RNLS: variants seen among roughly 807,000 people sequenced by gnomAD.
The protein encoded by RNLS is renalase.
Under a neutral mutation model 39.8 loss-of-function variants are expected in RNLS, and 39 were observed. The ratio of observed to expected loss-of-function variants is 0.98; its 90% confidence interval spans 0.76 to 1.28. RNLS has a LOEUF of 1.28. Ranked by LOEUF, RNLS falls within the 50% of genes most tolerant of loss-of-function variation. The probability of loss-of-function intolerance (pLI) is 0.00; values close to 1 mark genes in which losing one functional copy is unlikely to be tolerated. For synonymous variants in RNLS, 147 were observed against 150.7 expected (o/e 0.98, Z 0.18); for missense variants, 410 against 413.3 (o/e 0.99, Z 0.07).
At chr10:88,223,868 G>A in the RNLS span, among the ~76,000 whole-genome samples, 1 of 152,032 alleles carries the variant, frequency 6.6e-6, no homozygotes, top group Non-Finnish European at 1.5e-5. Flanking sequence ...GATTAACATC[G>A]TCTGGCCCCA....
At chr10:88,269,699 G>A (rs898333271), downstream of RNLS, among the ~76,000 whole-genome samples, 1 of 152,196 alleles carries the variant, frequency 6.6e-6, no homozygotes, top group Admixed American at 6.5e-5. Context: ...GGCTTACACT[G>A]CTTTGAGGGG....
chr10:88,505,790 G>T (rs368124427), intron 4 of RNLS, among the ~76,000 whole-genome samples: 2 of 152,066 alleles, frequency 1.3e-5, no homozygotes, highest in African/African-American at 4.8e-5. Flanking sequence ...TCACCCAAAT[G>T]ATCAAACTTG....
At chr10:88,358,942 A>C (rs1849409855) in intron 5 of RNLS, among the ~76,000 whole-genome samples, 1 of 152,202 alleles carries the variant, frequency 6.6e-6, no homozygotes, top group Admixed American at 6.5e-5. Flanking sequence ...TTGTGTATGT[A>C]CATTGTAGTA....
At chr10:88,523,441 A>G (rs942870058) in intron 4 of RNLS, among the ~76,000 whole-genome samples, 1 of 152,170 alleles carries the variant, frequency 6.6e-6, no homozygotes, top group African/African-American at 2.4e-5. Context: ...ATGTCAGTTT[A>G]AGCCTATAAA....
chr10:88,578,664 A>G (rs1850350281), intron 3 of RNLS, among the ~76,000 whole-genome samples: 1 of 152,032 alleles, frequency 6.6e-6, no homozygotes, highest in African/African-American at 2.4e-5. Context: ...CATTTATATC[A>G]CTCTACCTAC....
At position 88,320,888 on chromosome 10, in the gene RNLS, A is replaced by G. The variant is rs1846139124; in HGVS notation, c.701-6247T>C. 2.0e-5 allele frequency among the ~76,000 whole-genome samples: 3 copies of G among 147,924 alleles called. No homozygotes were observed. The Admixed American group carries it at 2.1e-4, about 10-fold the overall frequency. On this transcript the variant is annotated intron_variant, in intron 5 of 6. Coordinates refer to ENST00000331772, the MANE Select transcript of RNLS (RefSeq NM_001031709.3). ...ACACCATGCTGACGGCACTAGATAG[A>G]ACACTGAGGCAGAAAACAACAAAGA...
At chr10:88,524,100 T>A (rs1360438230) in intron 4 of RNLS, among the ~76,000 whole-genome samples, 3 of 151,934 alleles carry the variant, frequency 2.0e-5, no homozygotes, top group Non-Finnish European at 2.9e-5. Flanking sequence ...TGACCACACA[T>A]CATTCCTTAA....
At chr10:88,369,878 A>G (rs2133421122) in intron 4 of RNLS, among the ~76,000 whole-genome samples, 1 of 152,114 alleles carries the variant, frequency 6.6e-6, no homozygotes, top group South Asian at 2.1e-4. Context: ...CAGAGACAGG[A>G]TTTCACCATG....
At chr10:88,437,350 G>A (rs1393099084) in intron 4 of RNLS, among the ~76,000 whole-genome samples, 1 of 152,168 alleles carries the variant, frequency 6.6e-6, no homozygotes, top group Admixed American at 6.5e-5. Context: ...AATAGATGGG[G>A]CAGAATTTTA....
intron 4 of RNLS, among the ~76,000 whole-genome samples, chr10:88,430,713 T>C (rs957735936): frequency 6.6e-6 from 1 of 151,828 alleles, no homozygotes; most frequent in Admixed American, 6.6e-5. Flanking sequence ...GAAATAGATA[T>C]TGGATTTTGT....
chr10:88,218,565 G>T, the RNLS span, among the ~76,000 whole-genome samples: 3 of 152,122 alleles, frequency 2.0e-5, no homozygotes, highest in Non-Finnish European at 4.4e-5. Context: ...CTGGGCCCTG[G>T]AATATTTGAA....
intron 4 of RNLS, among the ~76,000 whole-genome samples, chr10:88,436,528 G>A (rs889360979): frequency 6.6e-6 from 1 of 152,062 alleles, no homozygotes; most frequent in Non-Finnish European, 1.5e-5. Flanking sequence ...ATCAATCCAA[G>A]CTTTTACCAT....
At chr10:88,209,056 T>G in the RNLS span, among the ~76,000 whole-genome samples, 1 of 152,300 alleles carries the variant, frequency 6.6e-6, no homozygotes, top group South Asian at 2.1e-4. Flanking sequence ...TGGGAGCTTT[T>G]CCAATAAAGC....
At chr10:88,530,877 A>G (rs1847383553) in intron 4 of RNLS, among the ~76,000 whole-genome samples, 3 of 152,192 alleles carry the variant, frequency 2.0e-5, no homozygotes, top group Admixed American at 2.0e-4. Flanking sequence ...CGAATGAACA[A>G]ATGAATAGGT....
At chr10:88,415,927 T>C (rs185138678) in intron 4 of RNLS, among the ~76,000 whole-genome samples, 1 of 152,334 alleles carries the variant, frequency 6.6e-6, no homozygotes, top group African/African-American at 2.4e-5. Flanking sequence ...ATCTGACTTC[T>C]GAACTCTTCT....
chr10:88,565,773 G>T, intron 4 of RNLS, among the ~76,000 whole-genome samples: 1 of 140,238 alleles, frequency 7.1e-6, no homozygotes, highest in African/African-American at 2.7e-5. Flanking sequence ...TTTTTTGAGA[G>T]GGAGTCTCGC....
At chr10:88,524,970 T>C (rs867937929) in intron 4 of RNLS, among the ~76,000 whole-genome samples, 9,000 of 120,394 alleles carry the variant, frequency 0.075, 641 homozygotes, top group South Asian at 0.16. Flanking sequence ...CATATATATA[T>C]ATATATATAT....
At chr10:88,210,446 G>A in the RNLS span, among the ~76,000 whole-genome samples, 1 of 152,134 alleles carries the variant, frequency 6.6e-6, no homozygotes, top group African/African-American at 2.4e-5. Context: ...GACTCTGAAT[G>A]CAGAGCGAGG....
the RNLS span, among the ~76,000 whole-genome samples, chr10:88,201,494 C>A: frequency 1.7e-4 from 26 of 152,068 alleles, no homozygotes; most frequent in Admixed American, 4.6e-4. Flanking sequence ...AGGCACAAGC[C>A]ACATACAGGG....
Sources: allele counts gnomAD v4.1 joint callset (sites outside exome capture counted in the v4.1 genomes callset), GRCh38; gene constraint gnomAD v4.1.1; transcripts MANE v1.5; gene names NCBI Gene and HGNC (gene_info 2026-07-23, HGNC 2026-07-21).